The following FOXP2 variants were observed in gnomAD, a reference collection of about 807,000 sequenced individuals.
FOXP2 encodes forkhead box P2, also known as forkhead box protein P2.
Under a neutral mutation model 115.8 loss-of-function variants are expected in FOXP2, and 12 were observed. That is an observed-to-expected ratio of 0.10 (90% confidence interval 0.07 to 0.17). The LOEUF is 0.17. FOXP2 is among the 10% of genes least tolerant of loss of function. The probability of loss-of-function intolerance (pLI) is 1.00; values close to 1 mark genes in which losing one functional copy is unlikely to be tolerated. For missense variants in FOXP2, 629 were observed against 843.5 expected (o/e 0.75, Z 3.15); for synonymous variants, 328 against 297.7 (o/e 1.10, Z -1.05).
At chr7:114,478,617 A>T (rs1344408462) in intron 2 of FOXP2, among the ~76,000 whole-genome samples, 1 of 151,764 alleles carries the variant, frequency 6.6e-6, no homozygotes, top group African/African-American at 2.4e-5. Flanking sequence ...GCTGCTAGTT[A>T]TTTCTAGAAC....
At chr7:114,572,275 T>G (rs1801345610) in intron 3 of FOXP2, among the ~76,000 whole-genome samples, 1 of 151,148 alleles carries the variant, frequency 6.6e-6, no homozygotes, top group Admixed American at 6.6e-5. Context: ...ATGTCAAGGA[T>G]GGGTAATAAA....
chr7:114,367,319 A>G (rs890137054), intron 2 of FOXP2, among the ~76,000 whole-genome samples: 1 of 152,124 alleles, frequency 6.6e-6, no homozygotes, highest in Admixed American at 6.6e-5. Context: ...GTCTACTGTC[A>G]CTATCAAGGA....
At chr7:114,342,526 AAAT>A (rs1791243049) in intron 2 of FOXP2, among the ~76,000 whole-genome samples, 1 of 151,462 alleles carries the variant, frequency 6.6e-6, no homozygotes, top group African/African-American at 2.4e-5. Context: ...GAAGTTAGCT[AAAT>A]AACTAAGAGT....
intron 2 of FOXP2, among the ~76,000 whole-genome samples, chr7:114,370,222 T>C (rs1425287994): frequency 6.6e-6 from 1 of 152,238 alleles, no homozygotes; most frequent in Non-Finnish European, 1.5e-5. Context: ...TATGTGAATT[T>C]ACTGACCCTT....
intron 2 of FOXP2, among the ~76,000 whole-genome samples, chr7:114,380,532 C>A (rs2129191588): frequency 6.6e-6 from 1 of 152,316 alleles, no homozygotes; most frequent in Non-Finnish European, 1.5e-5. Flanking sequence ...AAGGTCCCTT[C>A]AAGTGGCGTA....
chr7:114,571,122 A>C (rs549538547), intron 3 of FOXP2, among the ~76,000 whole-genome samples: 32 of 152,088 alleles, frequency 2.1e-4, no homozygotes, highest in Admixed American at 3.3e-4. Context: ...TGACTACCTT[A>C]AATATATAAA....
At chr7:114,606,222 G>A (rs183293078) in intron 3 of FOXP2, among the ~76,000 whole-genome samples, 18 of 152,260 alleles carry the variant, frequency 1.2e-4, no homozygotes, top group East Asian at 7.7e-4. Context: ...AAAAGAAACC[G>A]TTTCACAGAT....
At chr7:114,265,382 C>T (rs1221918619) in intron 1 of FOXP2, among the ~76,000 whole-genome samples, 1 of 152,162 alleles carries the variant, frequency 6.6e-6, no homozygotes, top group African/African-American at 2.4e-5. Context: ...TCTCCTTTGA[C>T]TCCATGTCCC....
intron 3 of FOXP2, among the ~76,000 whole-genome samples, chr7:114,628,077 G>A (rs891475810): frequency 1.3e-5 from 2 of 151,916 alleles, no homozygotes; most frequent in African/African-American, 4.8e-5. Flanking sequence ...TAAGTATACT[G>A]TATACATGCT....
At chr7:114,300,034 TCACA>T (rs141011790) in intron 2 of FOXP2, among the ~76,000 whole-genome samples, 1 of 142,160 alleles carries the variant, frequency 7.0e-6, no homozygotes, top group Non-Finnish European at 1.5e-5. Context: ...TTACACACAC[TCACA>T]CACACACACG....
intron 3 of FOXP2, among the ~76,000 whole-genome samples, chr7:114,596,944 T>A (rs1045084058): frequency 6.6e-6 from 1 of 152,096 alleles, no homozygotes; most frequent in African/African-American, 2.4e-5. Context: ...CTTTTCTTTA[T>A]TGTACTGTAA....
At chr7:114,378,701 A>AAAAAAAAAAAG (rs1554380027) in intron 2 of FOXP2, among the ~76,000 whole-genome samples, 21,410 of 100,808 alleles carry the variant, frequency 0.21, 4,010 homozygotes, top group Non-Finnish European at 0.25. Flanking sequence ...AAAAAAAAAA[A>AAAAAAAAAAAG]GGAAAAGAAA....
chr7:114,489,555 C>G (rs1250727467), intron 2 of FOXP2, among the ~76,000 whole-genome samples: 1 of 151,618 alleles, frequency 6.6e-6, no homozygotes, highest in Non-Finnish European at 1.5e-5. Context: ...AATCTTTCTC[C>G]CTTCTTAGAG....
intron 1 of FOXP2, among the ~76,000 whole-genome samples, chr7:114,247,999 A>G (rs1327013792): frequency 6.6e-6 from 1 of 152,104 alleles, no homozygotes; most frequent in African/African-American, 2.4e-5. Flanking sequence ...TTGATTTACT[A>G]TAAAAAATTG....
chr7:114,299,486 T>C (rs993981334), intron 2 of FOXP2, among the ~76,000 whole-genome samples: 3 of 151,712 alleles, frequency 2.0e-5, no homozygotes, highest in South Asian at 2.1e-4. Flanking sequence ...GTATGGCTTA[T>C]TTATATTTTT....
At chr7:114,638,258 A>G (rs1313774012) in intron 6 of FOXP2, among the ~76,000 whole-genome samples, 3 of 152,290 alleles carry the variant, frequency 2.0e-5, no homozygotes, top group Non-Finnish European at 4.4e-5. Context: ...CTCAAATAGA[A>G]TTGGAAAACG....
chr7:114,471,955 A>G (rs1796067207), intron 2 of FOXP2, among the ~76,000 whole-genome samples: 1 of 149,490 alleles, frequency 6.7e-6, no homozygotes, highest in Admixed American at 6.7e-5. Context: ...GTGAAACTCC[A>G]TCTCAGGAAA....
At chr7:114,668,771 T>A (rs1807322177) in intron 16 of FOXP2, 1 of 152,144 alleles carries the variant, frequency 6.6e-6, no homozygotes, top group Non-Finnish European at 1.5e-5. Context: ...AATTATAGTA[T>A]AAGAAACCCC....
chr7:114,145,917 G>T, intron 1 of FOXP2, among the ~76,000 whole-genome samples: 1 of 151,980 alleles, frequency 6.6e-6, no homozygotes, highest in East Asian at 1.9e-4. Flanking sequence ...TTTTGACATA[G>T]GACTTGATTA....
Sources: allele counts gnomAD v4.1 joint callset (sites outside exome capture counted in the v4.1 genomes callset), GRCh38; gene constraint gnomAD v4.1.1; transcripts MANE v1.5; gene names NCBI Gene and HGNC (gene_info 2026-07-23, HGNC 2026-07-21).